ATAD2: variants seen among roughly 807,000 people sequenced by gnomAD.
ATAD2 encodes the protein ATPase family AAA domain containing 2.
In ATAD2, 62 loss-of-function variants were observed where a neutral mutation model predicts 168.9. The observed-to-expected ratio is 0.37, with a 90% confidence interval of 0.30 to 0.45. The LOEUF is 0.45. Ranked by LOEUF, ATAD2 falls within the 20% of genes least tolerant of loss-of-function variation. ATAD2 has a pLI of 1.00. For synonymous variants in ATAD2, 613 were observed against 571.6 expected (o/e 1.07, Z -1.03); for missense variants, 1,419 against 1,667.8 (o/e 0.85, Z 2.60).
In ATAD2 at chr8:123,346,273, C is replaced by A; in HGVS notation, c.2346-1G>T. 1 of 1,578,690 alleles carries A rather than the reference C, an allele frequency of 6.3e-7. No individual in the cohort carries two copies. Among genetic ancestry groups the A allele is most frequent in the Admixed American group, 2.0e-5 (1 of 50,572 alleles). On this transcript the variant is annotated splice_acceptor_variant, in intron 17 of 27. Coordinates refer to ENST00000287394, the MANE Select transcript of ATAD2 (RefSeq NM_014109.4). LOFTEE classifies it high-confidence loss of function. ...AGACATAGGTTGGTAACAAGCATTT[C>A]TGAAAGAGAAATGATTAATAAGCTA...
intron 9 of ATAD2, among the ~76,000 whole-genome samples, chr8:123,361,088 G>A (rs1055498285): frequency 2.6e-5 from 4 of 151,918 alleles, no homozygotes; most frequent in Non-Finnish European, 5.9e-5. Context: ...AGGCTGAGGC[G>A]GGTGGATAAC....
chr8:123,379,144 C>T (rs1386014844), intron 2 of ATAD2, among the ~76,000 whole-genome samples: 1 of 152,036 alleles, frequency 6.6e-6, no homozygotes, highest in Non-Finnish European at 1.5e-5. Context: ...TGGGGTTTTT[C>T]GCCCTGAACC....
chr8:123,333,054 C>G lies in ATAD2; in HGVS notation c.3478+824G>C, dbSNP rs529246288. On this transcript the variant is annotated intron_variant, in intron 24 of 27. Transcript: ENST00000287394. ...TAGAAGGTTCAACCCCAGCAAACAC[C>G]GCTAACCCTAACCTTAACACACACA... 1.3e-4 allele frequency among the ~76,000 whole-genome samples: 20 copies of G among 151,654 alleles called. 1 individual carries two copies. Among genetic ancestry groups the G allele is most frequent in the African/African-American group, 4.4e-4 (18 of 41,344 alleles).
Position 123,320,246 on chromosome 8 carries a change from CTCTCCCCAA to C in ATAD2, c.*879_*887del, listed in dbSNP as rs1827430344. On this transcript the variant is annotated 3_prime_UTR_variant, in exon 28 of 28. Coordinates refer to ENST00000287394, the MANE Select transcript of ATAD2 (RefSeq NM_014109.4). ...TGATTATTAGAATGTCTTCTCCCCA[CTCTCCCCAA>C]AAGCAAGTATGCATGGAAGTGCATG... is the stretch of plus-strand genomic sequence containing the variant. 6.6e-6 allele frequency: 1 copy of C among 151,996 alleles called. No homozygotes were observed. Among genetic ancestry groups the C allele is most frequent in the African/African-American group, 2.4e-5 (1 of 41,412 alleles). 9.4% of individuals were successfully genotyped at this position (151,996 alleles called of 1,614,324 possible). A position where few individuals can be genotyped will look rare whatever the true frequency, so the allele number is the denominator to read the frequency against.
At chr8:123,389,913 C>A (rs974792650) in intron 1 of ATAD2, among the ~76,000 whole-genome samples, 4 of 139,876 alleles carry the variant, frequency 2.9e-5, no homozygotes, top group African/African-American at 5.3e-5. Context: ...AAGTACTATG[C>A]CTGGTACACA....
At position 123,339,440 on chromosome 8, in the gene ATAD2, C is replaced by A. The variant is rs1365506359; in HGVS notation, c.2725G>T (p.Glu909Ter). Residue 909 changes from glutamate to a stop codon, truncating the protein, a stop_gained, in exon 20 of 28, where the codon GAA becomes TAA. Transcript: ENST00000287394. LOFTEE classifies it high-confidence loss of function. ...TCTCCATAATCACGGATAAACAATTCTTGCACCTTAAAAAAGAAAATAAAT... is the reference window on the plus strand; with the variant it reads ...TCTCCATAATCACGGATAAACAATTATTGCACCTTAAAAAAGAAAATAAAT... ...PHSALPEEVQ[E>*]LFIRDYGEIF... The A allele has an allele frequency of 1.9e-6, 3 of 1,586,262 alleles. No homozygotes were observed. Among genetic ancestry groups the A allele is most frequent in the Non-Finnish European group, 2.6e-6 (3 of 1,168,068 alleles).
intron 1 of ATAD2, 54 bp downstream of exon 1, chr8:123,396,133 G>C (rs768896922): frequency 5.0e-5 from 75 of 1,487,828 alleles, no homozygotes; most frequent in Middle Eastern, 2.4e-4. Context: ...GCGCCGGGCT[G>C]CCGGCAGTCC....
upstream of ATAD2, among the ~76,000 whole-genome samples, chr8:123,397,558 C>T (rs1457657328): frequency 6.6e-6 from 1 of 152,148 alleles, no homozygotes; most frequent in Non-Finnish European, 1.5e-5. Context: ...TGTCCGAGGG[C>T]TCTTAGCGAA....
intron 25 of ATAD2, among the ~76,000 whole-genome samples, chr8:123,327,042 G>A (rs1387803353): frequency 6.6e-6 from 1 of 152,040 alleles, no homozygotes; most frequent in Non-Finnish European, 1.5e-5. Context: ...CAGAGCAGTT[G>A]GGACTACAGG....
At chr8:123,334,868 C>G (rs1470085793) in intron 22 of ATAD2, among the ~76,000 whole-genome samples, 4 of 152,180 alleles carry the variant, frequency 2.6e-5, no homozygotes, top group Admixed American at 2.0e-4. Context: ...CACATCAATA[C>G]TCCTCAAAGG....
intron 11 of ATAD2, among the ~76,000 whole-genome samples, chr8:123,358,853 G>A (rs1324543609): frequency 2.7e-5 from 4 of 147,834 alleles, no homozygotes; most frequent in East Asian, 4.2e-4. Context: ...CTCAGCGCAC[G>A]CCGCCAGGCC....
chr8:123,362,866 TAAC>T (rs1828867173), intron 8 of ATAD2, among the ~76,000 whole-genome samples: 2 of 152,222 alleles, frequency 1.3e-5, no homozygotes, highest in Admixed American at 1.3e-4. Flanking sequence ...AACTGTCACT[TAAC>T]AGCTGTGTAA....
rs750406145 is a variant in ATAD2, at chr8:123,369,188, AATAT to A, written c.932-17_932-14del. The stretch of plus-strand genomic sequence containing the variant: ...TGGTGACGAGGTTCTAAAAAAAAGA[AATAT>A]ATATATATATTTGTATATATATATA... On this transcript the variant is annotated splice_polypyrimidine_tract_variant and intron_variant, in intron 7 of 27. Coordinates refer to ENST00000287394, the MANE Select transcript of ATAD2 (RefSeq NM_014109.4). 1.8e-6 allele frequency: 2 copies of A among 1,083,564 alleles called. No homozygotes were observed. The highest frequency in any genetic ancestry group is 1.3e-6 in the Non-Finnish European group (1 of 787,502). 67.1% of individuals were successfully genotyped at this position (1,083,564 alleles called of 1,614,324 possible).
At chr8:123,401,654 A>G (rs1813004703) in intron 1 of ATAD2, 12 of 829,658 alleles carry the variant, frequency 1.4e-5, no homozygotes, top group Non-Finnish European at 2.5e-5. Context: ...TGTGCCCATC[A>G]TAGCCGATGG....
intron 1 of ATAD2, among the ~76,000 whole-genome samples, chr8:123,389,358 G>C (rs571004205): frequency 6.9e-6 from 1 of 145,672 alleles, no homozygotes; most frequent in Non-Finnish European, 1.5e-5. Context: ...CCCAATGGTC[G>C]GCCGGGCGTG....
At position 123,396,230 on chromosome 8, in the gene ATAD2, C is replaced by G. The variant is rs749568705; in HGVS notation, c.128G>C (p.Gly43Ala). ...HIGRRRLRSAGAAQKKPAATT... is the reference protein window; with the variant it reads ...HIGRRRLRSAAAAQKKPAATT... ...CGCCGCGGGTTTCTTCTGCGCCGCG[C>G]CGGCCGAGCGGAGCCGCCTCCGGCC... Residue 43 changes from glycine (G) to alanine (A), a missense_variant, in exon 1 of 28, where the codon GGC becomes GCC. Physicochemically the swap from Gly to Ala is moderately conservative, Grantham distance 60. Coordinates refer to ENST00000287394, the MANE Select transcript of ATAD2 (RefSeq NM_014109.4). The G allele has an allele frequency of 9.4e-6, 15 of 1,601,988 alleles. No individual in the cohort carries two copies. Among genetic ancestry groups the G allele is most frequent in the Non-Finnish European group, 1.3e-5 (15 of 1,177,214 alleles).
intron 1 of ATAD2, among the ~76,000 whole-genome samples, chr8:123,391,170 G>A (rs564086410): frequency 1.1e-4 from 16 of 151,720 alleles, no homozygotes; most frequent in Non-Finnish European, 2.1e-4. Context: ...AACAAAGAAA[G>A]TACAGAAATA....
intron 1 of ATAD2, among the ~76,000 whole-genome samples, chr8:123,383,810 G>A (rs1178326259): frequency 2.0e-5 from 3 of 151,512 alleles, no homozygotes; most frequent in Admixed American, 6.6e-5. Context: ...TAGGCCAGGC[G>A]TGGTAGCTCA....
chr8:123,368,906 G>T lies in ATAD2; in HGVS notation c.1049+152C>A, dbSNP rs561857691. The T allele has an allele frequency of 8.3e-5, 25 of 300,642 alleles. 1 individual carries two copies. Among genetic ancestry groups the T allele is most frequent in the African/African-American group, 5.4e-4 (25 of 46,116 alleles). 18.6% of individuals were successfully genotyped at this position (300,642 alleles called of 1,614,324 possible). ...GCAAAAACTAGTCAGTGGTACTGGG[G>T]ATTAGACTACTAAAGGTATAGAAAC... On this transcript the variant is annotated intron_variant, in intron 8 of 27. Coordinates refer to ENST00000287394, the MANE Select transcript of ATAD2 (RefSeq NM_014109.4).
Sources: gnomAD v4.1 joint callset for allele counts (sites outside exome capture counted in the v4.1 genomes callset) on GRCh38, gnomAD v4.1.1 for gene constraint, MANE v1.5 for transcripts, NCBI Gene and HGNC (gene_info 2026-07-23, HGNC 2026-07-21) for gene names.